The following TRAPPC9 variants were observed in gnomAD, a reference collection of about 807,000 sequenced individuals.
TRAPPC9 encodes IKK2 binding protein.
TRAPPC9 carries 83 observed loss-of-function variants against 124.0 expected under a neutral mutation model. The ratio of observed to expected loss-of-function variants is 0.67; its 90% CI spans 0.56 to 0.80. The LOEUF (loss-of-function observed/expected upper bound fraction) is 0.80. Among genes scored for constraint, TRAPPC9 ranks in the 30% least tolerant of loss-of-function variants. TRAPPC9 has a pLI of 0.00. For synonymous variants in TRAPPC9, 638 were observed against 617.5 expected, an observed-to-expected ratio of 1.03 and a Z score of -0.49; for missense variants, 1,302 against 1,508.3, an observed-to-expected ratio of 0.86 and a Z score of 2.27.
At position 140,162,317 on chromosome 8, in the gene TRAPPC9, C is replaced by A. The variant is rs148938342; in HGVS notation, c.2556+59142G>T. 2.2e-3 allele frequency among the ~76,000 whole-genome samples: 336 copies of A among 152,280 alleles called. 2 individuals are homozygous for A. Among genetic ancestry groups the A allele is most frequent in the Admixed American group, 5.4e-3 (83 of 15,306 alleles). On this transcript the variant is annotated intron_variant, in intron 17 of 22. Transcript: ENST00000438773. ...GCCCTACTGAACTGCTCGTGTTTGC[C>A]CCAAACCAGCACGTGGTGTCAGCCC...
intron 21 of TRAPPC9, among the ~76,000 whole-genome samples, chr8:139,751,824 T>C (rs1028954959): frequency 6.6e-6 from 1 of 151,108 alleles, no homozygotes; most frequent in African/African-American, 2.4e-5. Context: ...CCATCCACCA[T>C]TCATTTATCA....
At chr8:139,933,577 G>A (rs148057477) in intron 19 of TRAPPC9, 2 of 152,404 alleles carry the variant, frequency 1.3e-5, no homozygotes, top group Admixed American at 6.5e-5. Context: ...GCTTCTCCAC[G>A]CTTTTGCCCA....
chr8:139,815,703 A>G lies in TRAPPC9; in HGVS notation c.3055+70176T>C, dbSNP rs551473941. On this transcript the variant is annotated intron_variant, in intron 21 of 22. Coordinates refer to ENST00000438773, the MANE Select transcript of TRAPPC9 (RefSeq NM_001160372.4). The stretch of plus-strand genomic sequence containing the variant: ...CAGCGCCCGGCAAGCACTCACTAAC[A>G]TTCAACAGTCAATCCACAGATATTT... 2.6e-5 allele frequency among the ~76,000 whole-genome samples: 4 copies of G among 152,300 alleles called. No individual in the cohort carries two copies. In the South Asian group the frequency reaches 6.2e-4, roughly 24 times the overall value.
At chr8:139,853,117 C>T (rs757117288) in intron 21 of TRAPPC9, among the ~76,000 whole-genome samples, 12 of 152,208 alleles carry the variant, frequency 7.9e-5, no homozygotes, top group African/African-American at 1.2e-4. Context: ...AGCATGGGGA[C>T]GCTCCATGCT....
chr8:140,127,044 C>A (rs144420928), intron 17 of TRAPPC9, among the ~76,000 whole-genome samples: 18 of 152,290 alleles, frequency 1.2e-4, no homozygotes, highest in Admixed American at 1.0e-3. Flanking sequence ...GCATCTCTAA[C>A]GTATGTATCT....
chr8:139,906,859 C>T (rs1362034390), intron 20 of TRAPPC9, among the ~76,000 whole-genome samples: 1 of 152,214 alleles, frequency 6.6e-6, no homozygotes, highest in African/African-American at 2.4e-5. Context: ...ACACTGTGGC[C>T]AGGGTGGCTT....
chr8:139,987,479 C>T (rs1213269359), intron 19 of TRAPPC9, among the ~76,000 whole-genome samples: 1 of 152,096 alleles, frequency 6.6e-6, no homozygotes, highest in East Asian at 1.9e-4. Flanking sequence ...CATTCCACCA[C>T]TGATTGATAA....
At chr8:140,086,504 C>T (rs1484170124) in intron 17 of TRAPPC9, among the ~76,000 whole-genome samples, 1 of 152,208 alleles carries the variant, frequency 6.6e-6, no homozygotes, top group Non-Finnish European at 1.5e-5. Flanking sequence ...CCCTGGTGCC[C>T]AGCTCCTGCT....
At chr8:139,769,281 T>G (rs1820793923) in intron 21 of TRAPPC9, among the ~76,000 whole-genome samples, 1 of 152,206 alleles carries the variant, frequency 6.6e-6, no homozygotes. Flanking sequence ...AGTGAGAGAC[T>G]TACAATATTA....
rs187863495 is a variant in TRAPPC9, at chr8:140,265,767, C to T, written c.2278+9891G>A. ...ATTGGTTACTTTACGTTGATAATAA[C>T]AGAGGAATTACTGCCGCTGTGAACT... On this transcript the variant is annotated intron_variant, in intron 15 of 22. Coordinates refer to ENST00000438773, the MANE Select transcript of TRAPPC9 (RefSeq NM_001160372.4). 1.2e-4 allele frequency among the ~76,000 whole-genome samples: 18 copies of T among 152,268 alleles called. No individual in the cohort carries two copies. In the East Asian group the frequency reaches 3.3e-3, roughly 28 times the overall value.
intron 21 of TRAPPC9, among the ~76,000 whole-genome samples, chr8:139,879,514 C>A (rs538508632): frequency 1.5e-4 from 23 of 152,310 alleles, no homozygotes; most frequent in Admixed American, 9.1e-4. Flanking sequence ...TCAACCCATC[C>A]CTCTAACCTA....
At chr8:140,352,890 G>A (rs763608863) in intron 9 of TRAPPC9, among the ~76,000 whole-genome samples, 10 of 152,146 alleles carry the variant, frequency 6.6e-5, no homozygotes, top group African/African-American at 1.4e-4. Flanking sequence ...ACTAATGTCT[G>A]ACCAAGGAGC....
chr8:140,268,962 A>G (rs2064784722), intron 15 of TRAPPC9, among the ~76,000 whole-genome samples: 1 of 152,074 alleles, frequency 6.6e-6, no homozygotes, highest in Admixed American at 6.6e-5. Flanking sequence ...CGACCAGGTA[A>G]ATGGAAAGTG....
chr8:140,098,899 C>T (rs370277678), intron 17 of TRAPPC9: 1 of 151,958 alleles, frequency 6.6e-6, no homozygotes, highest in Non-Finnish European at 1.5e-5. Context: ...CCTCCGCAGC[C>T]GTGCACAGGG....
chr8:140,432,487 C>T (rs954741243), intron 4 of TRAPPC9, among the ~76,000 whole-genome samples: 1 of 152,212 alleles, frequency 6.6e-6, no homozygotes, highest in Non-Finnish European at 1.5e-5. Flanking sequence ...AGAATTTGTT[C>T]TTCTAGCAAT....
At chr8:140,264,558 GA>G (rs1563894842) in intron 15 of TRAPPC9, among the ~76,000 whole-genome samples, 1 of 116,212 alleles carries the variant, frequency 8.6e-6, no homozygotes, top group Non-Finnish European at 1.7e-5. Flanking sequence ...AATCATCCTA[GA>G]AAAAAAACGG....
intron 16 of TRAPPC9, among the ~76,000 whole-genome samples, chr8:140,243,923 G>C (rs970844232): frequency 1.3e-5 from 2 of 152,246 alleles, no homozygotes; most frequent in Non-Finnish European, 2.9e-5. Context: ...GCAGCCTAGC[G>C]AGCTTTGCAG....
intron 7 of TRAPPC9, among the ~76,000 whole-genome samples, chr8:140,373,745 G>A (rs969339097): frequency 7.3e-5 from 11 of 151,518 alleles, no homozygotes; most frequent in Non-Finnish European, 1.3e-4. Context: ...ACGTTGTGGT[G>A]GCTTTAACTT....
At chr8:139,756,221 C>T (rs1470777019) in intron 21 of TRAPPC9, among the ~76,000 whole-genome samples, 1 of 124,566 alleles carries the variant, frequency 8.0e-6, no homozygotes, top group Non-Finnish European at 1.7e-5. Context: ...CAGCAGGTCA[C>T]AGGAGGAGCC....
Sources: gnomAD v4.1 joint callset for allele counts (sites outside exome capture counted in the v4.1 genomes callset) on GRCh38, gnomAD v4.1.1 for gene constraint, MANE v1.5 for transcripts, NCBI Gene and HGNC (gene_info 2026-07-23, HGNC 2026-07-21) for gene names.